Variants in WSCD1 observed in about 807,000 individuals in gnomAD.
WSCD1 encodes sialate:O-sulfotransferase 1.
A neutral mutation model predicts 60.4 loss-of-function variants in WSCD1; 41 were observed. The observed-to-expected ratio is 0.68, with a 90% CI of 0.53 to 0.88. WSCD1 has a LOEUF of 0.88. Among genes scored for constraint, WSCD1 ranks in the 40% least tolerant of loss-of-function variants. WSCD1 has a pLI of 0.00. For missense variants in WSCD1, 784 were observed against 796.2 expected (o/e 0.98, Z 0.18); for synonymous variants, 361 against 332.5 (o/e 1.09, Z -0.93).
rs1310182561 is a variant in WSCD1, at chr17:6,101,954, A to G, written c.849+6731A>G. On this transcript the variant is annotated intron_variant, in intron 5 of 8. Transcript: ENST00000317744. This position sits in a 1 kb window ranked among gnomAD's most constrained non-coding sequence, Gnocchi z 4.1. ...CATCTGCAAATAGGTTACTAATGTG[A>G]GACACTCCACCGGCGATTATACCTT... Among the ~76,000 whole-genome samples, 1 of 152,212 alleles carries G rather than the reference A, an allele frequency of 6.6e-6. No homozygotes were observed. The highest frequency in any genetic ancestry group is 2.4e-5 in the African/African-American group (1 of 41,452).
chr17:6,099,720 G>A (rs981324672), intron 5 of WSCD1, among the ~76,000 whole-genome samples: 1 of 151,906 alleles, frequency 6.6e-6, no homozygotes, highest in African/African-American at 2.4e-5. Flanking sequence ...GACACACCTG[G>A]TCAAACCAAT....
Position 6,117,002 on chromosome 17 carries a change from TA to T in WSCD1, c.1175-984del, listed in dbSNP as rs747187182. 6.6e-5 allele frequency among the ~76,000 whole-genome samples: 10 copies of T among 152,344 alleles called. No individual in the cohort carries two copies. The East Asian group carries it at 1.2e-3, about 18-fold the overall frequency. On this transcript the variant is annotated intron_variant, in intron 7 of 8. Transcript: ENST00000317744. ...TTGGGATCCCTGCTCTTTGTTTCCA[TA>T]AGCCCCTATAGCCTGCACTTAGGCT...
chr17:6,080,678 G>A lies in WSCD1; in HGVS notation c.20G>A (p.Arg7Gln), dbSNP rs201778312. The change falls in exon 2 of 9, where the codon CGA (arginine) becomes CAA (glutamine). Residue 7 changes from arginine (R) to glutamine (Q), a missense_variant. Arg to Gln is a conservative substitution (Grantham distance 43, BLOSUM62 1). Coordinates refer to ENST00000317744, the MANE Select transcript of WSCD1 (RefSeq NM_015253.2). The surrounding 1 kb of genome is among the most constrained non-coding windows in gnomAD (Gnocchi z 6.6). Reference sequence around the variant, plus strand: ...AGGGGCATGGCCAAACCTTTCTTCCGACTCCAGAAGTTTCTCCGCCGAACA... The same window carrying A: ...AGGGGCATGGCCAAACCTTTCTTCCAACTCCAGAAGTTTCTCCGCCGAACA... Reference protein sequence around the residue: MAKPFFRLQKFLRRTQF... With the variant: MAKPFFQLQKFLRRTQF... 1.9e-5 allele frequency: 30 copies of A among 1,613,442 alleles called. No individual in the cohort carries two copies. Among genetic ancestry groups the A allele is most frequent in the Middle Eastern group, 3.3e-4 (2 of 6,082 alleles).
At chr17:6,085,910 T>C (rs1258310919) in intron 2 of WSCD1, among the ~76,000 whole-genome samples, 4 of 151,966 alleles carry the variant, frequency 2.6e-5, no homozygotes, top group African/African-American at 9.7e-5. Context: ...CTTACAGAAG[T>C]AGAGAGATGC....
rs1415508770 is a variant in WSCD1 at position 6,118,133 on chromosome 17, C to T, written c.1320C>T (p.Asn440=). The change falls in exon 8 of 9, where the codon AAC becomes AAT. Residue 440 remains asparagine (N), a synonymous_variant. Transcript: ENST00000317744. This position sits in a 1 kb window ranked among gnomAD's most constrained non-coding sequence, Gnocchi z 5.8. ...NPYRSLVAEF[N]RKCAGHLGYA... is the part of the protein sequence containing the mutation. The stretch of plus-strand genomic sequence containing the variant: ...ACAGGTCCCTGGTGGCAGAATTCAA[C>T]AGAAAATGTGCCGGGCACCTGGGAT... The T allele has an allele frequency of 6.2e-7, 1 of 1,614,152 alleles. No homozygotes were observed. Among genetic ancestry groups the T allele is most frequent in the South Asian group, 1.1e-5 (1 of 91,076 alleles).
intron 4 of WSCD1, among the ~76,000 whole-genome samples, chr17:6,094,099 A>G (rs1243018574): frequency 6.6e-6 from 1 of 152,182 alleles, no homozygotes; most frequent in African/African-American, 2.4e-5. Context: ...AGAGAAGAGC[A>G]TGGGGTAATA....
At chr17:6,087,918 C>T in intron 2 of WSCD1, 72 bp from the exon 3 acceptor site, 2 of 1,279,908 alleles carry the variant, frequency 1.6e-6, no homozygotes, top group Admixed American at 1.8e-5. Flanking sequence ...GGCAGAGGTT[C>T]CCCTGGCTTT....
At chr17:6,088,309 C>A (rs1909794324) in intron 3 of WSCD1, among the ~76,000 whole-genome samples, 2 of 151,828 alleles carry the variant, frequency 1.3e-5, no homozygotes, top group Non-Finnish European at 2.9e-5. Context: ...GGCCTGGGTG[C>A]TGAGAGCTGG....
chr17:6,109,645 C>T lies in WSCD1; in HGVS notation c.888C>T (p.Tyr296=), dbSNP rs1911291146. ...CCATTCTCAGGGGCTGGGAATGCTA[C>T]TGTGCTTACCCTACCCCCCGGTTCA... ...PLAILRGWEC[Y]CAYPTPRFNL... Residue 296 remains tyrosine (Y), a synonymous_variant, in exon 6 of 9, where the codon TAC becomes TAT. Coordinates refer to ENST00000317744, the MANE Select transcript of WSCD1 (RefSeq NM_015253.2). The T allele has an allele frequency of 6.2e-7, 1 of 1,614,170 alleles. No homozygotes were observed. The highest frequency in any genetic ancestry group is 8.5e-7 in the Non-Finnish European group (1 of 1,180,020).
chr17:6,092,941 C>T (rs958048217), intron 4 of WSCD1, among the ~76,000 whole-genome samples: 2 of 152,190 alleles, frequency 1.3e-5, no homozygotes, highest in African/African-American at 4.8e-5. Flanking sequence ...CTGCCCCCTT[C>T]CTGAGGGAAT....
At chr17:6,087,183 A>G (rs4410133) in intron 2 of WSCD1, among the ~76,000 whole-genome samples, 98,014 of 152,104 alleles carry the variant, frequency 0.64, 31,739 homozygotes, top group East Asian at 0.76. Flanking sequence ...CGTTTGCATC[A>G]GGACTGCCAT....
At chr17:6,090,551 C>A (rs751791897) in intron 4 of WSCD1, 46 bp downstream of exon 4, 17 of 1,594,786 alleles carry the variant, frequency 1.1e-5, no homozygotes, top group Admixed American at 5.4e-5. Flanking sequence ...CTGTCCCACC[C>A]GCTCTGGCTG....
chr17:6,109,798 T>C (rs369165772), intron 6 of WSCD1, 32 bp downstream of exon 6: 5 of 1,600,052 alleles, frequency 3.1e-6, no homozygotes, highest in East Asian at 2.2e-5. Flanking sequence ...GGTAGTGGCA[T>C]TTGGTCTGGG....
intron 2 of WSCD1, among the ~76,000 whole-genome samples, chr17:6,085,867 C>T (rs902763671): frequency 6.6e-6 from 1 of 152,202 alleles, no homozygotes; most frequent in Admixed American, 6.5e-5. Flanking sequence ...AAGCTCTGTG[C>T]AGTGGTCCGT....
At chr17:6,111,427 G>T (rs529744901) in intron 7 of WSCD1, among the ~76,000 whole-genome samples, 3 of 152,306 alleles carry the variant, frequency 2.0e-5, no homozygotes, top group South Asian at 2.1e-4. Context: ...GAGGCCAGGC[G>T]CAGTGGCTCA....
rs1301431234 is a variant in WSCD1, at chr17:6,117,933, T to C, written c.1175-55T>C. On this transcript the variant is annotated intron_variant, in intron 7 of 8. Coordinates refer to ENST00000317744, the MANE Select transcript of WSCD1 (RefSeq NM_015253.2). ...TTACCCAATCTGTCTGCTGCTATGG[T>C]AGGGTGCCCCATGGACACCATCTTC... 23 of 1,563,474 alleles carry C rather than the reference T, an allele frequency of 1.5e-5. No individual in the cohort carries two copies. The Admixed American group carries it at 3.7e-4, about 25-fold the overall frequency.
At chr17:6,105,033 G>A (rs1342578890) in intron 5 of WSCD1, among the ~76,000 whole-genome samples, 3 of 152,300 alleles carry the variant, frequency 2.0e-5, no homozygotes, top group Admixed American at 1.3e-4. Context: ...CAGAGGTCCC[G>A]CCTGGAACCT....
In WSCD1 at chr17:6,110,748, C is replaced by T. The variant is rs778391440; in HGVS notation, c.1010-23C>T. The T allele has an allele frequency of 4.8e-5, 76 of 1,596,598 alleles. No individual in the cohort carries two copies. The highest frequency in any genetic ancestry group is 3.3e-4 in the Middle Eastern group (2 of 5,986). On this transcript the variant is annotated intron_variant, in intron 6 of 8. Coordinates refer to ENST00000317744, the MANE Select transcript of WSCD1 (RefSeq NM_015253.2). The surrounding 1 kb of genome is among the most constrained non-coding windows in gnomAD (Gnocchi z 4.8). ...GAGTCATAATGGAAGTGAGTAACCC[C>T]GTGATGACTTTTGGACTTTCAGACA... is the stretch of plus-strand genomic sequence containing the variant.
chr17:6,093,434 C>T (rs748259014), intron 4 of WSCD1, among the ~76,000 whole-genome samples: 1 of 152,192 alleles, frequency 6.6e-6, no homozygotes, highest in Non-Finnish European at 1.5e-5. Flanking sequence ...GCCTCATGGC[C>T]CCCTTTTGTC....
Sources: allele counts gnomAD v4.1 joint callset (sites outside exome capture counted in the v4.1 genomes callset), GRCh38; gene constraint gnomAD v4.1.1; non-coding constraint Gnocchi (gnomAD v3.1); transcripts MANE v1.5; gene names NCBI Gene and HGNC (gene_info 2026-07-23, HGNC 2026-07-21).